DAB1: variants seen among roughly 807,000 people sequenced by gnomAD.
DAB1 encodes the protein disabled homolog 1.
In DAB1, 15 loss-of-function variants were observed where a neutral mutation model predicts 64.6. The observed-to-expected ratio is 0.23, with a 90% CI of 0.16 to 0.36. The LOEUF is 0.36. Ranked by LOEUF, DAB1 falls within the 10% of genes least tolerant of loss-of-function variation. The pLI, the probability that DAB1 is intolerant of heterozygous loss-of-function variation, is 1.00. For missense variants in DAB1, 596 were observed against 706.7 expected (o/e 0.84, Z 1.78); for synonymous variants, 235 against 251.9 (o/e 0.93, Z 0.64).
rs571351706 is a variant in DAB1 at position 57,017,705 on chromosome 1, AGACCACTTT to A, written c.896-2283_896-2275del. The stretch of plus-strand genomic sequence containing the variant: ...CAAACAAAATGGAGAATATCTTGTA[AGACCACTTT>A]GTCCAACTGCACTGAAACAAGAGGG... On this transcript the variant is annotated intron_variant, in intron 11 of 14. Transcript: ENST00000371236. Among the ~76,000 whole-genome samples the A allele has an allele frequency of 2.8e-3, 419 of 152,362 alleles. 1 individual carries two copies. The highest frequency in any genetic ancestry group is 9.7e-3 in the African/African-American group (403 of 41,586).
At chr1:57,043,438 A>G (rs1315797757) in intron 9 of DAB1, among the ~76,000 whole-genome samples, 1 of 152,106 alleles carries the variant, frequency 6.6e-6, no homozygotes, top group Non-Finnish European at 1.5e-5. Flanking sequence ...CATATCCCAA[A>G]GCTGTCTGCC....
intron 4 of DAB1, among the ~76,000 whole-genome samples, chr1:57,133,864 T>C (rs1657841422): frequency 6.6e-6 from 1 of 152,168 alleles, no homozygotes; most frequent in Non-Finnish European, 1.5e-5. Flanking sequence ...AAAAACTTCA[T>C]TTAGAACCCA....
rs869204611 is a variant in DAB1 at position 58,180,281 on chromosome 1, C to CTTTTTTTTTTTTTTTT, written n.310-29709_310-29694dup. On this transcript the variant is annotated intron_variant and non_coding_transcript_variant, in intron 4 of 20. Transcript: ENST00000485760. ...CTTTCTTTTTTCTTTTTTTTCTTTT[C>CTTTTTTTTTTTTTTTT]TTTTTTTTTTTTTTTTTTTTTTTTT... 3.6e-4 allele frequency among the ~76,000 whole-genome samples: 22 copies of CTTTTTTTTTTTTTTTT among 61,032 alleles called. 2 individuals carry two copies. Among genetic ancestry groups the CTTTTTTTTTTTTTTTT allele is most frequent in the African/African-American group, 8.5e-4 (12 of 14,088 alleles). The allele number at this position is 61,032 out of a possible 152,430, so 40.0% of individuals were successfully genotyped here.
At chr1:57,293,234 A>G (rs972682258) in intron 1 of DAB1, among the ~76,000 whole-genome samples, 9 of 152,100 alleles carry the variant, frequency 5.9e-5, no homozygotes, top group African/African-American at 9.7e-5. Flanking sequence ...TGGACATTCT[A>G]TTGAATCCTC....
chr1:57,560,760 T>C (rs932192527), intron 7 of DAB1, among the ~76,000 whole-genome samples: 1 of 152,176 alleles, frequency 6.6e-6, no homozygotes, highest in Non-Finnish European at 1.5e-5. Context: ...CAGATAGGGA[T>C]GCTGTTTGGA....
intron 6 of DAB1, among the ~76,000 whole-genome samples, chr1:57,676,639 C>A (rs545107844): frequency 3.9e-5 from 6 of 152,176 alleles, no homozygotes; most frequent in Non-Finnish European, 5.9e-5. Flanking sequence ...AAGTCCTCAG[C>A]TTGGCATCCT....
chr1:57,248,547 G>A (rs758377919), intron 2 of DAB1, among the ~76,000 whole-genome samples: 8 of 152,286 alleles, frequency 5.3e-5, no homozygotes, highest in Non-Finnish European at 1.0e-4. Context: ...ACAAGTGCCG[G>A]TGCTGAAAAC....
intron 5 of DAB1, among the ~76,000 whole-genome samples, chr1:58,148,111 G>A (rs545492000): frequency 1.9e-4 from 29 of 151,996 alleles, no homozygotes; most frequent in African/African-American, 6.0e-4. Flanking sequence ...AAATGTTCTC[G>A]CCAACATGGT....
At position 57,851,571 on chromosome 1, in the gene DAB1, C is replaced by T. The variant is rs558255755; in HGVS notation, n.88-25116G>A. Among the ~76,000 whole-genome samples, 19 of 152,264 alleles carry T rather than the reference C, an allele frequency of 1.2e-4. No homozygotes were observed. In the South Asian group the frequency reaches 2.1e-3, roughly 17 times the overall value. On this transcript the variant is annotated intron_variant and non_coding_transcript_variant, in intron 1 of 1. Transcript: ENST00000477280. The stretch of plus-strand genomic sequence containing the variant: ...ACTGGGATTGTACTGGATGGCTGGG[C>T]GGGTTTCCACATCTCCTTCCCTACT...
chr1:58,068,176 A>G (rs971197247), intron 5 of DAB1, among the ~76,000 whole-genome samples: 24 of 152,332 alleles, frequency 1.6e-4, no homozygotes, highest in African/African-American at 5.8e-4. Flanking sequence ...CAGACAAAAC[A>G]GGAAGTATCC....
chr1:57,541,024 T>A (rs1191366004), intron 7 of DAB1, among the ~76,000 whole-genome samples: 4 of 152,032 alleles, frequency 2.6e-5, no homozygotes, highest in Non-Finnish European at 5.9e-5. Context: ...GCGATGGAGA[T>A]CCGAAACACT....
chr1:58,030,223 T>C (rs1646951429), intron 5 of DAB1, among the ~76,000 whole-genome samples: 1 of 151,660 alleles, frequency 6.6e-6, no homozygotes, highest in Admixed American at 6.6e-5. Flanking sequence ...AATAAATAAA[T>C]AAAAGTATGA....
At chr1:57,519,108 T>C (rs949314319) in intron 7 of DAB1, among the ~76,000 whole-genome samples, 2 of 152,198 alleles carry the variant, frequency 1.3e-5, no homozygotes, top group Non-Finnish European at 2.9e-5. Context: ...CCTGTGATAA[T>C]GGCCCCCCAA....
At position 58,139,280 on chromosome 1, in the gene DAB1, T is replaced by C. The variant is rs553638606; in HGVS notation, n.387+11231A>G. Among the ~76,000 whole-genome samples the C allele has an allele frequency of 3.9e-5, 6 of 152,248 alleles. No homozygotes were observed. In the East Asian group the frequency reaches 1.2e-3, roughly 29 times the overall value. On this transcript the variant is annotated intron_variant and non_coding_transcript_variant, in intron 5 of 20. Transcript: ENST00000485760. ...AATACATTATTGGTTCTGCCACCCA[T>C]GATGTTTACTGTATTCGTCCATTCT...
At chr1:57,878,275 T>G (rs2101966703) in intron 1 of DAB1, 1 of 152,334 alleles carries the variant, frequency 6.6e-6, no homozygotes, top group South Asian at 2.1e-4. Flanking sequence ...TATTCACAAA[T>G]TTTTGTTATT....
intron 2 of DAB1, among the ~76,000 whole-genome samples, chr1:58,511,024 T>TA (rs1248891568): frequency 6.6e-6 from 1 of 152,142 alleles, no homozygotes; most frequent in African/African-American, 2.4e-5. Context: ...TTGTAAGACT[T>TA]AATATCGTTA....
At chr1:58,496,842 A>G (rs1449918657) in intron 3 of DAB1, among the ~76,000 whole-genome samples, 3 of 152,170 alleles carry the variant, frequency 2.0e-5, no homozygotes, top group Non-Finnish European at 2.9e-5. Context: ...TTCTACATAG[A>G]TTTCTCGTGA....
chr1:57,339,137 CTT>C (rs5774338), intron 1 of DAB1, among the ~76,000 whole-genome samples: 120 of 145,296 alleles, frequency 8.3e-4, no homozygotes, highest in African/African-American at 2.6e-3. Context: ...CGGCTTCTTT[CTT>C]TTTTTTTTTT....
chr1:57,500,626 A>C (rs1644279624), intron 7 of DAB1, among the ~76,000 whole-genome samples: 1 of 152,192 alleles, frequency 6.6e-6, no homozygotes, highest in South Asian at 2.1e-4. Context: ...ATGGATCTGA[A>C]ATCTGGTCTG....
Sources: gnomAD v4.1 joint callset for allele counts (sites outside exome capture counted in the v4.1 genomes callset) on GRCh38, gnomAD v4.1.1 for gene constraint, MANE v1.5 for transcripts, NCBI Gene and HGNC (gene_info 2026-07-23, HGNC 2026-07-21) for gene names.